The following PCSK6 variants were observed in gnomAD, a reference collection of about 807,000 sequenced individuals.
PCSK6 encodes the protein proprotein convertase subtilisin/kexin type 6, also known as paired basic amino acid cleaving enzyme 4.
A neutral mutation model predicts 123.3 loss-of-function variants in PCSK6; 85 were observed. The ratio of observed to expected loss-of-function variants is 0.69; its 90% CI spans 0.58 to 0.83. The LOEUF is 0.83. Ranked by LOEUF, PCSK6 falls within the 40% of genes least tolerant of loss-of-function variation. PCSK6 has a pLI of 0.00. For synonymous variants in PCSK6, 508 were observed against 516.0 expected, an observed-to-expected ratio of 0.98 and a Z score of 0.21; for missense variants, 1,191 against 1,282.3, an observed-to-expected ratio of 0.93 and a Z score of 1.09.
intron 1 of PCSK6, among the ~76,000 whole-genome samples, chr15:101,478,514 C>T (rs2057789472): frequency 6.6e-6 from 1 of 152,192 alleles, no homozygotes; most frequent in Non-Finnish European, 1.5e-5. Flanking sequence ...CCCACTTTCC[C>T]TCCCTCCCTC....
chr15:101,409,823 AG>A (rs1193603510), intron 6 of PCSK6, among the ~76,000 whole-genome samples: 1 of 152,220 alleles, frequency 6.6e-6, no homozygotes, highest in Non-Finnish European at 1.5e-5. Flanking sequence ...CTGGCTCCCC[AG>A]CAAGCTTTTC....
At chr15:101,306,567 G>A (rs938078639) in intron 21 of PCSK6, among the ~76,000 whole-genome samples, 1 of 152,180 alleles carries the variant, frequency 6.6e-6, no homozygotes. Flanking sequence ...CTGCCCGTGT[G>A]TCTACAATGA....
intron 6 of PCSK6, among the ~76,000 whole-genome samples, chr15:101,421,749 C>G (rs2056091563): frequency 6.6e-6 from 1 of 152,180 alleles, no homozygotes; most frequent in Non-Finnish European, 1.5e-5. Context: ...GACCCTGAAT[C>G]AGAAACATTC....
At chr15:101,467,472 C>A (rs915048899) in intron 1 of PCSK6, among the ~76,000 whole-genome samples, 5 of 152,044 alleles carry the variant, frequency 3.3e-5, no homozygotes, top group Admixed American at 2.6e-4. Flanking sequence ...AGGGTTTCAC[C>A]ATGTTGGCCA....
intron 6 of PCSK6, among the ~76,000 whole-genome samples, chr15:101,405,783 G>A (rs112846413): frequency 1.0e-4 from 15 of 150,146 alleles, no homozygotes; most frequent in Admixed American, 3.3e-4. Context: ...TCCCTCTGTC[G>A]CCCAGGCTGG....
At chr15:101,477,000 C>T (rs1053919825) in intron 1 of PCSK6, among the ~76,000 whole-genome samples, 8 of 152,106 alleles carry the variant, frequency 5.3e-5, no homozygotes, top group Middle Eastern at 3.2e-3. Context: ...GAGCCTCTTC[C>T]ACCTCCCTGC....
chr15:101,406,184 G>A (rs921155634), intron 6 of PCSK6, among the ~76,000 whole-genome samples: 2 of 148,914 alleles, frequency 1.3e-5, no homozygotes, highest in African/African-American at 5.0e-5. Context: ...AACATTAAGA[G>A]CAATGGGAAG....
chr15:101,309,626 G>A (rs985535736), intron 20 of PCSK6, among the ~76,000 whole-genome samples: 2 of 152,236 alleles, frequency 1.3e-5, no homozygotes, highest in African/African-American at 4.8e-5. Context: ...CAGCCTGGAC[G>A]CAGCATGCGC....
chr15:101,383,125 C>G (rs115428459), intron 10 of PCSK6, among the ~76,000 whole-genome samples: 6 of 152,062 alleles, frequency 3.9e-5, no homozygotes, highest in African/African-American at 1.4e-4. Context: ...GTCAGGCAAA[C>G]AGGTCGGGCA....
At chr15:101,364,704 G>C (rs1008556122) in intron 13 of PCSK6, among the ~76,000 whole-genome samples, 1 of 152,166 alleles carries the variant, frequency 6.6e-6, no homozygotes. Flanking sequence ...TGGACTGGAA[G>C]ACTTAATATT....
Position 101,480,812 on chromosome 15 carries a change from C to A in PCSK6, c.297+8562G>T, listed in dbSNP as rs142069616. The stretch of plus-strand genomic sequence containing the variant: ...TACAGCATCACAAAGAGGGTGTCCT[C>A]ATGTACAAGTACGTACGTGGCAGGG... On this transcript the variant is annotated intron_variant, in intron 1 of 21. Transcript: ENST00000611716. Among the ~76,000 whole-genome samples, 176 of 152,326 alleles carry A rather than the reference C, an allele frequency of 1.2e-3. 5 individuals carry two copies. In the East Asian group the frequency reaches 0.025, roughly 22 times the overall value.
At chr15:101,323,065 C>T (rs779655125) in intron 17 of PCSK6, among the ~76,000 whole-genome samples, 7 of 152,214 alleles carry the variant, frequency 4.6e-5, no homozygotes, top group Non-Finnish European at 7.3e-5. Flanking sequence ...GGCGAGTCAT[C>T]GTGCCTCTTG....
In PCSK6 at chr15:101,362,226, A is replaced by G. The variant is rs142876075; in HGVS notation, c.1858+3970T>C. ...CCGCCTCGGCCTCCCAAAGTGCTGG[A>G]ATTACAGGCATGAGCCACCATGCCC... On this transcript the variant is annotated intron_variant, in intron 13 of 21. Transcript: ENST00000611716. 5.9e-3 allele frequency among the ~76,000 whole-genome samples: 891 copies of G among 152,224 alleles called. 10 individuals carry two copies. The highest frequency in any genetic ancestry group is 0.017 in the African/African-American group (695 of 41,538).
At position 101,432,041 on chromosome 15, in the gene PCSK6, G is replaced by A. The variant is rs1445328169; in HGVS notation, c.462C>T (p.Asp154=). ...GGTCGTTGAAGTAAAGGGCCTGCGG[G>A]TCACTTCGCACCTGTCTCTTCACCC... ...KRRVKRQVRS[D]PQALYFNDPI... Residue 154 remains aspartate (D), a synonymous_variant, in exon 3 of 22, where the codon GAC becomes GAT. Transcript: ENST00000611716. The A allele has an allele frequency of 6.2e-7, 1 of 1,613,776 alleles. No individual in the cohort carries two copies. Among genetic ancestry groups the A allele is most frequent in the Non-Finnish European group, 8.5e-7 (1 of 1,179,826 alleles).
chr15:101,478,190 T>G (rs538564991), intron 1 of PCSK6, among the ~76,000 whole-genome samples: 2 of 152,172 alleles, frequency 1.3e-5, no homozygotes, highest in Non-Finnish European at 1.5e-5. Context: ...CTTACTACTA[T>G]AGCAGGTTAC....
At chr15:101,363,640 T>A (rs2041300694) in intron 13 of PCSK6, among the ~76,000 whole-genome samples, 1 of 152,198 alleles carries the variant, frequency 6.6e-6, no homozygotes, top group African/African-American at 2.4e-5. Flanking sequence ...AACACTTTTT[T>A]TTTTTTTGAG....
chr15:101,473,184 C>T (rs1468595548), intron 1 of PCSK6, among the ~76,000 whole-genome samples: 2 of 152,192 alleles, frequency 1.3e-5, no homozygotes, highest in Non-Finnish European at 2.9e-5. Flanking sequence ...TCAAGCAATC[C>T]TCTGGCCTCA....
At chr15:101,441,487 C>A (rs1410580700) in intron 2 of PCSK6, among the ~76,000 whole-genome samples, 3 of 151,934 alleles carry the variant, frequency 2.0e-5, no homozygotes, top group Non-Finnish European at 1.5e-5. Context: ...GGCACAGGGT[C>A]CTGCACTCAG....
chr15:101,453,688 G>A (rs1016426061), intron 1 of PCSK6, among the ~76,000 whole-genome samples: 2 of 152,230 alleles, frequency 1.3e-5, no homozygotes, highest in African/African-American at 4.8e-5. Context: ...CTGTCGCCTG[G>A]AAAGTGGGGA....
Sources: gnomAD v4.1 joint callset for allele counts (sites outside exome capture counted in the v4.1 genomes callset) on GRCh38, gnomAD v4.1.1 for gene constraint, MANE v1.5 for transcripts, NCBI Gene and HGNC (gene_info 2026-07-23, HGNC 2026-07-21) for gene names.